CELF2: variants seen among roughly 807,000 people sequenced by gnomAD.
CELF2 encodes the protein CUGBP Elav-like family member 2.
In CELF2, 8 loss-of-function variants were observed where a neutral mutation model predicts 62.6. That is an observed-to-expected ratio of 0.13 (90% CI 0.07 to 0.23). The LOEUF (loss-of-function observed/expected upper bound fraction) is 0.23, where lower values mean the gene tolerates loss of function less well. Among genes scored for constraint, CELF2 ranks in the 10% least tolerant of loss-of-function variants. The pLI, the probability that CELF2 is intolerant of heterozygous loss-of-function variation, is 1.00. For synonymous variants in CELF2, 258 were observed against 250.0 expected (o/e 1.03, Z -0.30); for missense variants, 333 against 671.0 (o/e 0.50, Z 5.56).
the CELF2 span, among the ~76,000 whole-genome samples, chr10:10,551,685 G>C: frequency 6.6e-6 from 1 of 152,098 alleles, no homozygotes; most frequent in South Asian, 2.1e-4. Flanking sequence ...ATTACAGCGT[G>C]GTCCTTAAGC....
intron 1 of CELF2, among the ~76,000 whole-genome samples, chr10:11,078,025 C>T (rs1002337171): frequency 5.3e-5 from 8 of 152,204 alleles, no homozygotes; most frequent in East Asian, 3.9e-4. Flanking sequence ...AAGTGACCTG[C>T]GTAGGTAGGC....
chr10:10,532,613 G>C, the CELF2 span, among the ~76,000 whole-genome samples: 1 of 152,212 alleles, frequency 6.6e-6, no homozygotes, highest in Non-Finnish European at 1.5e-5. Context: ...CCTTGCTCCA[G>C]TTCCTATAGT....
chr10:10,907,773 G>A (rs1359887147), intron 1 of CELF2, among the ~76,000 whole-genome samples: 3 of 152,124 alleles, frequency 2.0e-5, no homozygotes, highest in Non-Finnish European at 4.4e-5. Context: ...AAGACGTATT[G>A]GAGATTGTTA....
chr10:11,165,848 C>G lies in CELF2; in HGVS notation c.271+166C>G, dbSNP rs1355236065. Reference sequence around the variant, plus strand: ...CCAGGGGCTGCTCCCGACTCCTCCCCGCACCCCCGCCCGCCTGCCCGCCGG... The same window carrying G: ...CCAGGGGCTGCTCCCGACTCCTCCCGGCACCCCCGCCCGCCTGCCCGCCGG... On this transcript the variant is annotated intron_variant, in intron 2 of 12. Transcript: ENST00000633077. The surrounding 1 kb of genome is among the most constrained non-coding windows in gnomAD (Gnocchi z 7.4). Among the ~76,000 whole-genome samples the G allele has an allele frequency of 2.0e-5, 3 of 152,182 alleles. No individual in the cohort carries two copies. Among genetic ancestry groups the G allele is most frequent in the African/African-American group, 4.8e-5 (2 of 41,442 alleles).
the CELF2 span, among the ~76,000 whole-genome samples, chr10:10,497,707 T>G: frequency 6.6e-6 from 1 of 152,132 alleles, no homozygotes; most frequent in Non-Finnish European, 1.5e-5. Context: ...CTGCTGGGCA[T>G]GTTCCACAAG....
At position 11,319,441 on chromosome 10, in the gene CELF2, G is replaced by A. The variant is rs1301553556; in HGVS notation, c.1097-1748G>A. 3.9e-5 allele frequency among the ~76,000 whole-genome samples: 6 copies of A among 152,150 alleles called. No individual in the cohort carries two copies. Among genetic ancestry groups the A allele is most frequent in the African/African-American group, 9.7e-5 (4 of 41,414 alleles). ...GAAGCACAGCGGCAGGGAGGTGGCCGCGATTTGCTGGTGTCCGAGGGATCA... is the reference window on the plus strand; with the variant it reads ...GAAGCACAGCGGCAGGGAGGTGGCCACGATTTGCTGGTGTCCGAGGGATCA... On this transcript the variant is annotated intron_variant, in intron 10 of 12. Transcript: ENST00000633077. This position sits in a 1 kb window ranked among gnomAD's most constrained non-coding sequence, Gnocchi z 4.4.
At chr10:10,565,640 A>G in the CELF2 span, among the ~76,000 whole-genome samples, 10 of 152,200 alleles carry the variant, frequency 6.6e-5, no homozygotes, top group Non-Finnish European at 1.3e-4. Context: ...GTAAGAATAT[A>G]TAAGACTTTG....
the CELF2 span, among the ~76,000 whole-genome samples, chr10:10,610,677 C>G: frequency 1.3e-5 from 2 of 152,294 alleles, no homozygotes; most frequent in Non-Finnish European, 2.9e-5. Flanking sequence ...ACTGTCCTTC[C>G]ATGCTAATAA....
At chr10:10,929,950 C>T (rs1323009025) in intron 2 of CELF2, among the ~76,000 whole-genome samples, 4 of 152,178 alleles carry the variant, frequency 2.6e-5, no homozygotes, top group African/African-American at 9.7e-5. Context: ...TGCTATAATA[C>T]ACGAAAATAA....
In CELF2 at chr10:11,178,776, G is replaced by A. The variant is rs182910864; in HGVS notation, c.271+13094G>A. Among the ~76,000 whole-genome samples, 67 of 152,332 alleles carry A rather than the reference G, an allele frequency of 4.4e-4. No individual in the cohort carries two copies. The East Asian group carries it at 0.011, about 24-fold the overall frequency. On this transcript the variant is annotated intron_variant, in intron 2 of 12. Transcript: ENST00000633077. This position sits in a 1 kb window ranked among gnomAD's most constrained non-coding sequence, Gnocchi z 4.3. ...TCAGGAGATAAGAGTGGGGCCTATC[G>A]CTCTGTGGCTTTCTCCCCCTGCATT...
At chr10:10,558,458 T>C in the CELF2 span, among the ~76,000 whole-genome samples, 1 of 152,188 alleles carries the variant, frequency 6.6e-6, no homozygotes, top group Non-Finnish European at 1.5e-5. Context: ...TGAGGACTTT[T>C]GCATCAATGT....
chr10:10,882,087 A>C (rs762570346), intron 1 of CELF2, among the ~76,000 whole-genome samples: 1 of 152,130 alleles, frequency 6.6e-6, no homozygotes, highest in Non-Finnish European at 1.5e-5. Context: ...TCGTTACCAT[A>C]TCCATTTATT....
At chr10:10,579,651 G>A in the CELF2 span, among the ~76,000 whole-genome samples, 1 of 152,044 alleles carries the variant, frequency 6.6e-6, no homozygotes, top group East Asian at 1.9e-4. Context: ...TCCCATAATA[G>A]AGGCAATGTT....
At chr10:11,042,160 T>C (rs992353633) in intron 1 of CELF2, among the ~76,000 whole-genome samples, 4 of 152,232 alleles carry the variant, frequency 2.6e-5, no homozygotes, top group Non-Finnish European at 5.9e-5. Flanking sequence ...TTTTCTCTTA[T>C]GGTAGAAAGA....
At chr10:10,935,077 T>C (rs2066483024) in intron 2 of CELF2, 3 of 152,210 alleles carry the variant, frequency 2.0e-5, no homozygotes, top group African/African-American at 7.2e-5. Context: ...TTTCCTGACA[T>C]TCACTGTGGA....
intron 2 of CELF2, chr10:10,951,935 G>A (rs2048364617): frequency 6.6e-6 from 1 of 152,372 alleles, no homozygotes; most frequent in Admixed American, 6.5e-5. Context: ...CTCCTACACT[G>A]ACCAATGGCT....
chr10:10,742,203 GA>G, the CELF2 span, among the ~76,000 whole-genome samples: 2 of 149,164 alleles, frequency 1.3e-5, no homozygotes, highest in East Asian at 2.0e-4. Context: ...CTGTTAATGA[GA>G]AAAAAATTTT....
chr10:10,625,332 G>C, the CELF2 span, among the ~76,000 whole-genome samples: 1 of 152,184 alleles, frequency 6.6e-6, no homozygotes, highest in African/African-American at 2.4e-5. Flanking sequence ...CACTGACCTT[G>C]TACTACGGGC....
chr10:11,257,692 A>G (rs371973566), intron 4 of CELF2, 46 bp from the exon 5 acceptor site: 5 of 1,602,240 alleles, frequency 3.1e-6, no homozygotes, highest in Non-Finnish European at 4.3e-6. Context: ...ATTACAAGAA[A>G]AAAAGATGAA....
Sources: allele counts gnomAD v4.1 joint callset (sites outside exome capture counted in the v4.1 genomes callset), GRCh38; gene constraint gnomAD v4.1.1; non-coding constraint Gnocchi (gnomAD v3.1); transcripts MANE v1.5; gene names NCBI Gene and HGNC (gene_info 2026-07-23, HGNC 2026-07-21).